Variants in RAF1 observed in about 807,000 individuals in gnomAD.
RAF1 encodes the protein RAF proto-oncogene serine/threonine-protein kinase.
Under a neutral mutation model 81.1 loss-of-function variants are expected in RAF1, and 27 were observed. That is an observed-to-expected ratio of 0.33 (90% confidence interval 0.25 to 0.46). RAF1 has a LOEUF of 0.46. RAF1 is among the 20% of genes least tolerant of loss of function. The pLI is 1.00. For missense variants in RAF1, 598 were observed against 826.0 expected (o/e 0.72, Z 3.38); for synonymous variants, 298 against 294.0 (o/e 1.01, Z -0.14).
At chr3:12,623,867 T>A (rs1040293086) in intron 1 of RAF1, among the ~76,000 whole-genome samples, 7 of 151,058 alleles carry the variant, frequency 4.6e-5, no homozygotes, top group African/African-American at 1.7e-4. Flanking sequence ...TTTTCTTTTT[T>A]TTTTTTTGAG....
chr3:12,605,250 A>ATGTGTGTGTGTGTGTGTGTGTGTGTG (rs139616156), intron 6 of RAF1, among the ~76,000 whole-genome samples: 10 of 144,634 alleles, frequency 6.9e-5, no homozygotes, highest in South Asian at 2.2e-4. Flanking sequence ...ATTACACATT[A>ATGTGTGTGTGTGTGTGTGTGTGTGTG]TGTGTGTGTG....
chr3:12,646,209 T>G (rs1302485919), intron 1 of RAF1, among the ~76,000 whole-genome samples: 1 of 152,172 alleles, frequency 6.6e-6, no homozygotes, highest in African/African-American at 2.4e-5. Context: ...AGCTTCATCA[T>G]AGCTCACTGT....
rs2058215489 is a variant in RAF1, at chr3:12,583,736, A to G, written c.*778T>C. 1 of 233,388 alleles carries G rather than the reference A, an allele frequency of 4.3e-6. No homozygotes were observed. The highest frequency in any genetic ancestry group is 8.5e-6 in the Non-Finnish European group (1 of 118,036). The allele number at this position is 233,388 out of a possible 1,614,324, so 14.5% of individuals were successfully genotyped here. On this transcript the variant is annotated 3_prime_UTR_variant, in exon 18 of 18. Transcript: ENST00000442415. Reference sequence around the variant, plus strand: ...AAACCTGTATTCCTGGCTTCCTTGTATACACATGATGTGACTAGAGAAACA... The same window carrying G: ...AAACCTGTATTCCTGGCTTCCTTGTGTACACATGATGTGACTAGAGAAACA...
chr3:12,640,308 G>C (rs1387384553), intron 1 of RAF1, among the ~76,000 whole-genome samples: 9 of 152,116 alleles, frequency 5.9e-5, no homozygotes, highest in African/African-American at 2.2e-4. Context: ...ATAGGCATGG[G>C]CAAGGACTTC....
chr3:12,599,850 A>G lies in RAF1; in HGVS notation c.1051-42T>C, dbSNP rs5746226. 0.013 allele frequency: 18,465 copies of G among 1,466,904 alleles called. 168 individuals carry two copies. The highest frequency in any genetic ancestry group is 0.014 in the Non-Finnish European group (14,653 of 1,045,518). 90.9% of individuals were successfully genotyped at this position (1,466,904 alleles called of 1,614,324 possible). On this transcript the variant is annotated intron_variant, in intron 10 of 17. Coordinates refer to ENST00000442415, the MANE Select transcript of RAF1 (RefSeq NM_001354689.3). Reference sequence around the variant, plus strand: ...TCATTATTATACTCCATGCAATGGTAATAATCTTTTGATAATGAGGGCATC... The same window carrying G: ...TCATTATTATACTCCATGCAATGGTGATAATCTTTTGATAATGAGGGCATC...
At position 12,618,609 on chromosome 3, in the gene RAF1, T is replaced by G. The variant is rs576041742; in HGVS notation, c.113A>C (p.Tyr38Ser). ...GCCATCATCTGATGCCCGGCGCTGA[T>G]AGCCAAACTGCTGAACTATTGTAGG... The change falls in exon 2 of 18, where the codon TAT becomes TCT. Residue 38 changes from tyrosine to serine, a missense_variant. This residue lies in a region of RAF1 where 83 missense variants were observed against 72.3 expected (regional missense o/e 1.15). Coordinates refer to ENST00000442415, the MANE Select transcript of RAF1 (RefSeq NM_001354689.3). The G allele has an allele frequency of 1.1e-5, 18 of 1,614,218 alleles. No homozygotes were observed. In the South Asian group the frequency reaches 1.6e-4, roughly 15 times the overall value.
rs34585793 is a variant in RAF1 at position 12,648,286 on chromosome 3, T to TA, written c.-27+15526dup. 6.0e-3 allele frequency among the ~76,000 whole-genome samples: 748 copies of TA among 124,178 alleles called. 3 individuals carry two copies. The highest frequency in any genetic ancestry group is 0.012 in the Middle Eastern group (3 of 242). 81.5% of individuals were successfully genotyped at this position (124,178 alleles called of 152,430 possible). A position where few individuals can be genotyped will look rare whatever the true frequency, so the allele number is the denominator to read the frequency against. On this transcript the variant is annotated intron_variant, in intron 1 of 17. Transcript: ENST00000442415. ...TCAGATAGCCAAGTAACAGCGAAGT[T>TA]AAAAAAAAAAAAAAAAAAGCTACAT...
chr3:12,640,925 G>T (rs1322074200), intron 1 of RAF1, among the ~76,000 whole-genome samples: 2 of 152,084 alleles, frequency 1.3e-5, no homozygotes, highest in Non-Finnish European at 2.9e-5. Flanking sequence ...TATGTTTATT[G>T]TGGTACTATT....
At chr3:12,651,527 G>C (rs966976512) in intron 1 of RAF1, among the ~76,000 whole-genome samples, 4 of 151,956 alleles carry the variant, frequency 2.6e-5, no homozygotes, top group Non-Finnish European at 5.9e-5. Context: ...CCAGCTACTC[G>C]GGAGGCTGAG....
intron 1 of RAF1, among the ~76,000 whole-genome samples, chr3:12,636,506 A>G (rs1002263698): frequency 2.7e-5 from 4 of 149,252 alleles, no homozygotes; most frequent in African/African-American, 7.5e-5. Context: ...AAAAAAAAAA[A>G]GGGACATTTG....
Position 12,626,298 on chromosome 3 carries a change from G to A in RAF1, c.-26-7551C>T, listed in dbSNP as rs2059701013. ...ATTAAAAAAAAAATTTTTTTTAATT[G>A]TTCATGGGCTGGGCACCGTGGCTCT... On this transcript the variant is annotated intron_variant, in intron 1 of 17. Coordinates refer to ENST00000442415, the MANE Select transcript of RAF1 (RefSeq NM_001354689.3). Among the ~76,000 whole-genome samples, 3 of 148,944 alleles carry A rather than the reference G, an allele frequency of 2.0e-5. No individual in the cohort carries two copies. The South Asian group carries it at 6.4e-4, about 32-fold the overall frequency.
Position 12,583,792 on chromosome 3 carries a change from A to G in RAF1, c.*722T>C. 4.3e-6 allele frequency: 1 copy of G among 233,790 alleles called. No homozygotes were observed. The highest frequency in any genetic ancestry group is 8.5e-6 in the Non-Finnish European group (1 of 118,184). The allele number at this position is 233,790 out of a possible 1,614,324, so 14.5% of individuals were successfully genotyped here. A position where few individuals can be genotyped will look rare whatever the true frequency, so the allele number is the denominator to read the frequency against. On this transcript the variant is annotated 3_prime_UTR_variant, in exon 18 of 18. Transcript: ENST00000442415. The stretch of plus-strand genomic sequence containing the variant: ...GTTTGTTTGTTTGTTTGTTAGAGAA[A>G]CAAGGCTGGCCCTGCGGCCCCGCCC...
At chr3:12,586,753 T>C (rs2058345784) in intron 14 of RAF1, 1 of 152,230 alleles carries the variant, frequency 6.6e-6, no homozygotes, top group African/African-American at 2.4e-5. Context: ...TTTCTTCATT[T>C]ACTCTTCTAT....
chr3:12,593,119 C>T (rs1408231713), intron 11 of RAF1, among the ~76,000 whole-genome samples: 2 of 148,262 alleles, frequency 1.3e-5, no homozygotes, highest in African/African-American at 2.5e-5. Context: ...GAGATGGAGA[C>T]TCGCTCTGTT....
intron 11 of RAF1, among the ~76,000 whole-genome samples, chr3:12,598,582 A>T (rs1288791074): frequency 6.6e-6 from 1 of 151,932 alleles, no homozygotes; most frequent in African/African-American, 2.4e-5. Flanking sequence ...AAGGTAAAAC[A>T]AATTAGCTGG....
At chr3:12,594,721 C>T (rs115959061) in intron 11 of RAF1, among the ~76,000 whole-genome samples, 2,257 of 152,216 alleles carry the variant, frequency 0.015, 53 homozygotes, top group African/African-American at 0.049. Context: ...TTCCATCATC[C>T]TAGCCAGTTG....
chr3:12,621,868 G>A (rs970643925), intron 1 of RAF1, among the ~76,000 whole-genome samples: 2 of 151,974 alleles, frequency 1.3e-5, no homozygotes, highest in African/African-American at 4.8e-5. Context: ...CTACAAAGAG[G>A]GAAATCTAGA....
intron 11 of RAF1, among the ~76,000 whole-genome samples, chr3:12,598,755 C>CAAAAAAAAAAAAAA (rs1559418330): frequency 1.0e-5 from 1 of 98,928 alleles, no homozygotes; most frequent in Non-Finnish European, 2.3e-5. Context: ...AAAAAAAAAC[C>CAAAAAAAAAAAAAA]ACCAAGTACT....
chr3:12,615,203 G>C (rs561321308), intron 2 of RAF1, among the ~76,000 whole-genome samples: 2 of 152,120 alleles, frequency 1.3e-5, no homozygotes, highest in African/African-American at 2.4e-5. Context: ...AGTGGTCCTC[G>C]GCTCCAGTCA....
Sources: gnomAD v4.1 joint callset for allele counts (sites outside exome capture counted in the v4.1 genomes callset) on GRCh38, gnomAD v4.1.1 for gene constraint, gnomAD v4.1.1 regional missense constraint, MANE v1.5 for transcripts, NCBI Gene and HGNC (gene_info 2026-07-23, HGNC 2026-07-21) for gene names.